The following SPOCK3 variants were observed in gnomAD, a reference collection of about 807,000 sequenced individuals.
SPOCK3 encodes the protein SPARC (osteonectin), cwcv and kazal like domains proteoglycan 3.
A neutral mutation model predicts 56.6 loss-of-function variants in SPOCK3; 30 were observed. That is an observed-to-expected ratio of 0.53 (90% confidence interval 0.40 to 0.72). The LOEUF (loss-of-function observed/expected upper bound fraction) is 0.72, where lower values mean the gene tolerates loss of function less well. Ranked by LOEUF, SPOCK3 falls within the 30% of genes least tolerant of loss-of-function variation. The pLI is 0.00. For missense variants in SPOCK3, 527 were observed against 530.0 expected (o/e 0.99, Z 0.06); for synonymous variants, 196 against 183.3 (o/e 1.07, Z -0.56).
chr4:167,083,108 G>T, intron 2 of SPOCK3: 1 of 751,344 alleles, frequency 1.3e-6, no homozygotes, highest in Non-Finnish European at 2.4e-6. Flanking sequence ...CACAATGAAT[G>T]AGTGGTACTT....
chr4:167,039,675 A>G (rs1189145300), intron 3 of SPOCK3, among the ~76,000 whole-genome samples: 2 of 2,398 alleles, frequency 8.3e-4, no homozygotes, highest in African/African-American at 4.2e-3. Context: ...CATTTACTAA[A>G]TAAAAAAAAA....
At chr4:166,932,824 T>C (rs141425892) in intron 4 of SPOCK3, among the ~76,000 whole-genome samples, 1 of 152,288 alleles carries the variant, frequency 6.6e-6, no homozygotes, top group East Asian at 1.9e-4. Flanking sequence ...TATTACAAAG[T>C]AAAGTGCTTT....
At chr4:166,980,190 A>G (rs1056818970) in intron 4 of SPOCK3, among the ~76,000 whole-genome samples, 2 of 152,238 alleles carry the variant, frequency 1.3e-5, no homozygotes, top group Non-Finnish European at 2.9e-5. Context: ...TCTTCACTTA[A>G]AGAAAAACAT....
At chr4:166,972,481 C>T (rs867371889) in intron 4 of SPOCK3, among the ~76,000 whole-genome samples, 9 of 152,092 alleles carry the variant, frequency 5.9e-5, no homozygotes, top group African/African-American at 2.2e-4. Flanking sequence ...AAAAGAACAT[C>T]ACCCACTTTT....
At chr4:166,927,814 T>C (rs1210943689) in intron 4 of SPOCK3, among the ~76,000 whole-genome samples, 1 of 151,898 alleles carries the variant, frequency 6.6e-6, no homozygotes, top group Admixed American at 6.6e-5. Flanking sequence ...TGGGGGAAAA[T>C]ATTTGCCAAA....
At chr4:167,042,753 C>T (rs1452231350) in intron 3 of SPOCK3, among the ~76,000 whole-genome samples, 1 of 152,072 alleles carries the variant, frequency 6.6e-6, no homozygotes, top group African/African-American at 2.4e-5. Flanking sequence ...TGTTTCTGAA[C>T]ATGTTCACAG....
At chr4:166,821,788 G>A (rs980136039) in intron 6 of SPOCK3, among the ~76,000 whole-genome samples, 2 of 151,810 alleles carry the variant, frequency 1.3e-5, no homozygotes, top group Non-Finnish European at 2.9e-5. Context: ...GTTTCTTTGG[G>A]GATAATGTAA....
chr4:166,969,990 GACC>G (rs1465365283), intron 4 of SPOCK3, among the ~76,000 whole-genome samples: 2 of 152,044 alleles, frequency 1.3e-5, no homozygotes, highest in African/African-American at 4.8e-5. Context: ...TTTCAATAAT[GACC>G]ACATGAATTT....
At chr4:166,779,992 A>C (rs1739983616) in intron 7 of SPOCK3, among the ~76,000 whole-genome samples, 2 of 152,182 alleles carry the variant, frequency 1.3e-5, no homozygotes, top group Admixed American at 1.3e-4. Flanking sequence ...CAACCCAATA[A>C]TCTCCATTCA....
At chr4:167,183,872 A>C (rs1265686885) in intron 2 of SPOCK3, among the ~76,000 whole-genome samples, 4 of 152,192 alleles carry the variant, frequency 2.6e-5, no homozygotes, top group Admixed American at 2.6e-4. Context: ...CCATTAAAGG[A>C]AGATGTAGAA....
chr4:167,203,970 T>A (rs897553893), intron 2 of SPOCK3, among the ~76,000 whole-genome samples: 2 of 152,124 alleles, frequency 1.3e-5, no homozygotes, highest in Non-Finnish European at 1.5e-5. Context: ...TGTTTTCATT[T>A]AATACCCATT....
At chr4:166,751,905 T>A (rs2126475809) in intron 8 of SPOCK3, among the ~76,000 whole-genome samples, 1 of 152,324 alleles carries the variant, frequency 6.6e-6, no homozygotes, top group African/African-American at 2.4e-5. Flanking sequence ...CATTTTGTAT[T>A]GCTTAATTGT....
intron 6 of SPOCK3, among the ~76,000 whole-genome samples, chr4:166,843,382 T>C (rs1747704991): frequency 6.6e-6 from 1 of 152,272 alleles, no homozygotes; most frequent in Admixed American, 6.5e-5. Context: ...GGTGAAGGGA[T>C]CTTGCAGATG....
At chr4:166,746,069 A>T (rs1008389073) in intron 8 of SPOCK3, among the ~76,000 whole-genome samples, 2 of 152,212 alleles carry the variant, frequency 1.3e-5, no homozygotes, top group African/African-American at 2.4e-5. Flanking sequence ...TCAACATTAG[A>T]CAGATCAATG....
At chr4:166,931,415 T>C (rs1739761250) in intron 4 of SPOCK3, among the ~76,000 whole-genome samples, 1 of 152,114 alleles carries the variant, frequency 6.6e-6, no homozygotes, top group African/African-American at 2.4e-5. Context: ...CTGGTGCACA[T>C]AAAAAAACAA....
chr4:166,774,745 A>T (rs1267544678), intron 7 of SPOCK3, among the ~76,000 whole-genome samples: 2 of 152,150 alleles, frequency 1.3e-5, no homozygotes, highest in Non-Finnish European at 2.9e-5. Flanking sequence ...AAGCTGTCTG[A>T]GTGGTTCTGT....
intron 3 of SPOCK3, among the ~76,000 whole-genome samples, chr4:167,044,086 T>A (rs1753493644): frequency 6.6e-6 from 1 of 152,052 alleles, no homozygotes; most frequent in Admixed American, 6.6e-5. Flanking sequence ...TTTTTTGTTT[T>A]GACAGGTTAT....
rs1220361779 is a variant in SPOCK3 at position 166,908,003 on chromosome 4, A to C, written c.474+4617T>G. Among the ~76,000 whole-genome samples the C allele has an allele frequency of 2.6e-5, 4 of 151,984 alleles. No individual in the cohort carries two copies. The South Asian group carries it at 8.3e-4, about 31-fold the overall frequency. On this transcript the variant is annotated intron_variant, in intron 5 of 10. Coordinates refer to ENST00000357545, the MANE Select transcript of SPOCK3 (RefSeq NM_001040159.2). ...AATGATCTCAGCTCTAAATATTCAG[A>C]GGAAAGAAGATAGAACAACTAAATA...
chr4:167,117,435 G>A (rs761637509), intron 2 of SPOCK3, among the ~76,000 whole-genome samples: 19 of 152,108 alleles, frequency 1.2e-4, no homozygotes, highest in Non-Finnish European at 2.4e-4. Flanking sequence ...GGAGAGATCT[G>A]CCCTAGAGTG....
Sources: gnomAD v4.1 joint callset for allele counts (sites outside exome capture counted in the v4.1 genomes callset) on GRCh38, gnomAD v4.1.1 for gene constraint, MANE v1.5 for transcripts, NCBI Gene and HGNC (gene_info 2026-07-23, HGNC 2026-07-21) for gene names.